VSIG2: variants seen among roughly 807,000 people sequenced by gnomAD.
VSIG2 encodes the protein V-set and immunoglobulin domain containing 2.
In VSIG2, 30 loss-of-function variants were observed where a neutral mutation model predicts 29.4. The ratio of observed to expected loss-of-function variants is 1.02; its 90% CI spans 0.76 to 1.38. The LOEUF (loss-of-function observed/expected upper bound fraction) is 1.38, where lower values mean the gene tolerates loss of function less well. VSIG2 is among the 40% of genes most tolerant of loss of function. The pLI is 0.00. For synonymous variants in VSIG2, 178 were observed against 174.2 expected (o/e 1.02, Z -0.17); for missense variants, 421 against 400.8 (o/e 1.05, Z -0.43).
At position 124,747,626 on chromosome 11, in the gene VSIG2, A is replaced by AT. The variant is rs1565438658; in HGVS notation, c.892dup (p.Met298AsnfsTer4). On this transcript the variant is annotated frameshift_variant, in exon 7 of 7. Transcript: ENST00000326621. LOFTEE classifies it high-confidence loss of function. ...GAACCCCTTGCTAGAATCAGCCCTC[A>AT]TACAAGTGTGCTCAGAGATCCCAGG... The AT allele has an allele frequency of 1.5e-5, 25 of 1,613,946 alleles. No homozygotes were observed. Among genetic ancestry groups the AT allele is most frequent in the Non-Finnish European group, 2.1e-5 (25 of 1,179,932 alleles).
intron 6 of VSIG2, 57 bp from the exon 7 acceptor site, chr11:124,747,724 C>G: frequency 3.8e-6 from 6 of 1,560,286 alleles, no homozygotes; most frequent in Non-Finnish European, 5.2e-6. Context: ...GGAGGAGGGC[C>G]GTCCTCTAAC....
intron 1 of VSIG2, 32 bp downstream of exon 1, chr11:124,752,045 C>G (rs749173294): frequency 6.4e-7 from 1 of 1,573,064 alleles, no homozygotes; most frequent in African/African-American, 1.4e-5. Context: ...GCCCCCCAGC[C>G]CTCGCCGTGG....
chr11:124,748,045 C>CCTGAG (rs1944036778), intron 6 of VSIG2: 1 of 354,856 alleles, frequency 2.8e-6, no homozygotes, highest in Admixed American at 4.5e-5. Context: ...CAGGACAAAT[C>CCTGAG]CATTTCCTGG....
intron 4 of VSIG2, 100 bp downstream of exon 4, chr11:124,749,608 A>G (rs1005661573): frequency 1.3e-6 from 2 of 1,484,124 alleles, no homozygotes; most frequent in Non-Finnish European, 1.8e-6. Context: ...GGTTTGTGTC[A>G]TACCCCTAGT....
At chr11:124,751,004 A>G in intron 2 of VSIG2, 83 bp from the exon 3 acceptor site, 1 of 1,444,944 alleles carries the variant, frequency 6.9e-7, no homozygotes, top group Non-Finnish European at 9.5e-7. Context: ...AAGTGGGTAT[A>G]AGAGGCCTCT....
At chr11:124,748,195 A>C (rs1591424113) in intron 6 of VSIG2, 195 bp downstream of exon 6, 5 of 587,262 alleles carry the variant, frequency 8.5e-6, no homozygotes, top group Non-Finnish European at 1.1e-5. Context: ...TGGACCAGCC[A>C]CTCCACCCTG....
chr11:124,751,393 C>T (rs1198186249), intron 2 of VSIG2, 30 bp downstream of exon 2: 1 of 1,608,092 alleles, frequency 6.2e-7, no homozygotes. Flanking sequence ...TCCAGGCCAA[C>T]CCAGCTTCAT....
Position 124,752,171 on chromosome 11 carries a change from A to T in VSIG2, c.-34T>A. 1 of 1,535,144 alleles carries T rather than the reference A, an allele frequency of 6.5e-7. No homozygotes were observed. Among genetic ancestry groups the T allele is most frequent in the East Asian group, 2.4e-5 (1 of 42,052 alleles). On this transcript the variant is annotated 5_prime_UTR_variant, in exon 1 of 7. Transcript: ENST00000326621. ...CCGGCCGTCCTGTCCTGCTCCTGCC[A>T]GGTGGGCGGTCAAGGTCGGTCTGGG...
Position 124,749,873 on chromosome 11 carries a change from A to C in VSIG2, c.428-7T>G. 8.9e-7 allele frequency: 1 copy of C among 1,117,744 alleles called. No homozygotes were observed. Among genetic ancestry groups the C allele is most frequent in the East Asian group, 4.3e-5 (1 of 23,040 alleles). The allele number at this position is 1,117,744 out of a possible 1,614,324, so 69.2% of individuals were successfully genotyped here. The stretch of plus-strand genomic sequence containing the variant: ...AAGGGATTACTGGGGGGAACTGCAA[A>C]AAAAAAAAAAAAAAAAAAAAAACAG... On this transcript the variant is annotated splice_region_variant and splice_polypyrimidine_tract_variant and intron_variant, in intron 3 of 6. Transcript: ENST00000326621.
At chr11:124,747,759 G>A (rs544128060) in intron 6 of VSIG2, 92 bp from the exon 7 acceptor site, 228 of 1,368,998 alleles carry the variant, frequency 1.7e-4, no homozygotes, top group Non-Finnish European at 2.2e-4. Flanking sequence ...ATTTCACTGT[G>A]CTTGAGAATA....
At chr11:124,747,783 T>C (rs906120437) in intron 6 of VSIG2, 116 bp from the exon 7 acceptor site, 3 of 1,190,088 alleles carry the variant, frequency 2.5e-6, no homozygotes, top group African/African-American at 1.6e-5. Context: ...TGCGGAACTT[T>C]GGTTAAAATG....
At chr11:124,751,730 C>T (rs1284127726) in intron 1 of VSIG2, 150 bp from the exon 2 acceptor site, 1 of 968,182 alleles carries the variant, frequency 1.0e-6, no homozygotes, top group African/African-American at 1.6e-5. Flanking sequence ...TTCCCAAAAC[C>T]TGAGGTTTCC....
chr11:124,747,970 CAG>C (rs1944033374), intron 6 of VSIG2: 1 of 376,610 alleles, frequency 2.7e-6, no homozygotes, highest in South Asian at 4.0e-5. Context: ...AAGTGGATGA[CAG>C]AGGCAGTTTC....
rs749970589 is a variant in VSIG2 at position 124,747,529 on chromosome 11, G to C, written c.*6C>G. 6.2e-7 allele frequency: 1 copy of C among 1,606,142 alleles called. No homozygotes were observed. Among genetic ancestry groups the C allele is most frequent in the South Asian group, 1.1e-5 (1 of 89,980 alleles). The stretch of plus-strand genomic sequence containing the variant: ...CCCCCTCACCGCCCTCAGGGATCGG[G>C]AGAAGTCACACGACCATAGGGAGCT... On this transcript the variant is annotated 3_prime_UTR_variant, in exon 7 of 7. Coordinates refer to ENST00000326621, the MANE Select transcript of VSIG2 (RefSeq NM_014312.5).
chr11:124,747,476 G>A lies in VSIG2; in HGVS notation c.*59C>T. The stretch of plus-strand genomic sequence containing the variant: ...GCAGAAAGAAGAAGGAGACAGTATG[G>A]TACCCACAGACTTTAATTATTGATA... On this transcript the variant is annotated 3_prime_UTR_variant, in exon 7 of 7. Coordinates refer to ENST00000326621, the MANE Select transcript of VSIG2 (RefSeq NM_014312.5). The A allele has an allele frequency of 1.3e-6, 2 of 1,566,588 alleles. No individual in the cohort carries two copies. Among genetic ancestry groups the A allele is most frequent in the Non-Finnish European group, 8.6e-7 (1 of 1,157,094 alleles).
chr11:124,751,992 C>G, intron 1 of VSIG2, 85 bp downstream of exon 1: 1 of 1,426,636 alleles, frequency 7.0e-7, no homozygotes, highest in Non-Finnish European at 9.2e-7. Flanking sequence ...TCTGGCCTGG[C>G]GGGGACAGAG....
intron 2 of VSIG2, 30 bp from the exon 3 acceptor site, chr11:124,750,951 G>A: frequency 6.2e-7 from 1 of 1,606,152 alleles, no homozygotes; most frequent in African/African-American, 1.3e-5. Flanking sequence ...ACACATATGT[G>A]CCTGTTTCTG....
At chr11:124,749,965 AC>A in intron 3 of VSIG2, 99 bp from the exon 4 acceptor site, 1 of 1,317,506 alleles carries the variant, frequency 7.6e-7, no homozygotes, top group Non-Finnish European at 1.0e-6. Context: ...CTACTTCAAT[AC>A]CCCTATCAAA....
rs78665709 is a variant in VSIG2, at chr11:124,747,723, C to T, written c.852-56G>A. ...AGTAGAAGCCTCCTGCGGAGGAGGG[C>T]CGTCCTCTAACCTGGGGACTCTTAA... On this transcript the variant is annotated intron_variant, in intron 6 of 6. Transcript: ENST00000326621. 1.7e-3 allele frequency: 2,711 copies of T among 1,566,614 alleles called. 54 individuals carry two copies. The African/African-American group carries it at 0.034, about 19-fold the overall frequency.
Sources: gnomAD v4.1 joint callset for allele counts on GRCh38, gnomAD v4.1.1 for gene constraint, MANE v1.5 for transcripts, NCBI Gene and HGNC (gene_info 2026-07-23, HGNC 2026-07-21) for gene names.